PRPSAP2: variants seen among roughly 807,000 people sequenced by gnomAD.
PRPSAP2 encodes phosphoribosyl pyrophosphate synthetase associated protein 2.
A neutral mutation model predicts 40.6 loss-of-function variants in PRPSAP2; 24 were observed. That is an observed-to-expected ratio of 0.59 (90% CI 0.43 to 0.83). The LOEUF is 0.83. Ranked by LOEUF, PRPSAP2 falls within the 40% of genes least tolerant of loss-of-function variation. The probability of loss-of-function intolerance (pLI) is 0.00; values close to 1 mark genes in which losing one functional copy is unlikely to be tolerated. For missense variants in PRPSAP2, 292 were observed against 465.6 expected, an observed-to-expected ratio of 0.63 and a Z score of 3.43; for synonymous variants, 149 against 164.7, an observed-to-expected ratio of 0.90 and a Z score of 0.73.
chr17:18,862,989 T>G (rs1412460704), intron 1 of PRPSAP2, among the ~76,000 whole-genome samples: 2 of 146,456 alleles, frequency 1.4e-5, no homozygotes, highest in Non-Finnish European at 3.0e-5. Context: ...CCCACCTAAT[T>G]TTTTGTATTT....
At chr17:18,900,696 A>C (rs1338546545) in intron 8 of PRPSAP2, among the ~76,000 whole-genome samples, 1 of 152,008 alleles carries the variant, frequency 6.6e-6, no homozygotes, top group Non-Finnish European at 1.5e-5. Flanking sequence ...GTAGAAGTCG[A>C]GATTCACCAC....
intron 8 of PRPSAP2, among the ~76,000 whole-genome samples, chr17:18,893,100 T>C (rs1368682616): frequency 6.6e-6 from 1 of 152,086 alleles, no homozygotes; most frequent in African/African-American, 2.4e-5. Context: ...TTCACTGTCT[T>C]GATGGTGTTC....
intron 6 of PRPSAP2, among the ~76,000 whole-genome samples, chr17:18,879,925 C>T (rs1441489903): frequency 2.6e-5 from 4 of 151,914 alleles, no homozygotes; most frequent in South Asian, 2.1e-4. Flanking sequence ...GGAAAAACCC[C>T]GTCTCTACTA....
At position 18,872,780 on chromosome 17, in the gene PRPSAP2, A is replaced by G. The variant is rs1461327316; in HGVS notation, c.239+131A>G. On this transcript the variant is annotated intron_variant, in intron 5 of 11. Transcript: ENST00000268835. ...AGTATATCTTACCAATTTAGAATTT[A>G]GAAAACTAAGTTTTCTGACATAACT... The G allele has an allele frequency of 5.0e-5, 34 of 682,114 alleles. No homozygotes were observed. In the East Asian group the frequency reaches 9.0e-4, roughly 18 times the overall value. The allele number at this position is 682,114 out of a possible 1,614,324, so 42.3% of individuals were successfully genotyped here. A position where few individuals can be genotyped will look rare whatever the true frequency, so the allele number is the denominator to read the frequency against.
intron 8 of PRPSAP2, among the ~76,000 whole-genome samples, chr17:18,897,540 C>T (rs2039987068): frequency 6.6e-6 from 1 of 152,072 alleles, no homozygotes; most frequent in South Asian, 2.1e-4. Context: ...TGGCTCACTG[C>T]AGCCTCCACC....
chr17:18,866,394 G>A (rs888182069), intron 3 of PRPSAP2, among the ~76,000 whole-genome samples: 18 of 151,950 alleles, frequency 1.2e-4, no homozygotes, highest in African/African-American at 3.1e-4. Context: ...GAAACCCCGC[G>A]TCTACTAAAA....
At chr17:18,902,969 G>A (rs1383213144) in intron 8 of PRPSAP2, among the ~76,000 whole-genome samples, 1 of 151,846 alleles carries the variant, frequency 6.6e-6, no homozygotes, top group Non-Finnish European at 1.5e-5. Context: ...CATCGTGGAT[G>A]TGGTGGTGAC....
intron 8 of PRPSAP2, among the ~76,000 whole-genome samples, chr17:18,909,114 T>G (rs1345713495): frequency 6.6e-6 from 1 of 152,146 alleles, no homozygotes; most frequent in African/African-American, 2.4e-5. Flanking sequence ...CCAGACTGGT[T>G]AGGAGAAAAC....
At chr17:18,892,727 GTA>G (rs1555554081) in intron 8 of PRPSAP2, among the ~76,000 whole-genome samples, 7 of 126,614 alleles carry the variant, frequency 5.5e-5, no homozygotes, top group African/African-American at 1.8e-4. Flanking sequence ...GTGTGTGTGT[GTA>G]TTTATTTATT....
intron 8 of PRPSAP2, among the ~76,000 whole-genome samples, chr17:18,899,519 G>GTTTTTTTT (rs574203117): frequency 9.9e-5 from 6 of 60,576 alleles, no homozygotes; most frequent in Non-Finnish European, 1.8e-4. Flanking sequence ...ATCCAACTGA[G>GTTTTTTTT]TTTTTTTTTT....
chr17:18,918,574 C>A (rs980985743), intron 9 of PRPSAP2, among the ~76,000 whole-genome samples: 4 of 152,216 alleles, frequency 2.6e-5, no homozygotes, highest in African/African-American at 7.2e-5. Flanking sequence ...AGAAGGCAGC[C>A]CACAAAGGCT....
chr17:18,889,946 C>G (rs2039434885), intron 8 of PRPSAP2, 69 bp downstream of exon 8: 1 of 1,392,666 alleles, frequency 7.2e-7, no homozygotes, highest in African/African-American at 1.4e-5. Context: ...GAGTTCCAGG[C>G]ATTCTAATTT....
Position 18,891,266 on chromosome 17 carries a change from C to T in PRPSAP2, c.584+1389C>T, listed in dbSNP as rs1269807691. Among the ~76,000 whole-genome samples, 6 of 152,004 alleles carry T rather than the reference C, an allele frequency of 3.9e-5. 1 individual carries two copies. The South Asian group carries it at 8.3e-4, about 21-fold the overall frequency. On this transcript the variant is annotated intron_variant, in intron 8 of 11. Transcript: ENST00000268835. Reference sequence around the variant, plus strand: ...AAAAGTATTTCACATAAGTCATTGACGTTATGAATTAAGAATAGCACTTTA... The same window carrying T: ...AAAAGTATTTCACATAAGTCATTGATGTTATGAATTAAGAATAGCACTTTA...
At chr17:18,888,788 G>A (rs1312234655) in intron 7 of PRPSAP2, among the ~76,000 whole-genome samples, 2 of 35,124 alleles carry the variant, frequency 5.7e-5, no homozygotes, top group African/African-American at 2.4e-4. Flanking sequence ...CGGGGCGGCT[G>A]GCCGGGCAGA....
chr17:18,908,271 C>T lies in PRPSAP2; in HGVS notation c.585-2832C>T, dbSNP rs547188061. ...ACCCACTCAGCCGAGCTGCCGCTTT[C>T]GCAGCACGCCAAGGACACTCATGAG... On this transcript the variant is annotated intron_variant, in intron 8 of 11. Transcript: ENST00000268835. 949 of 767,982 alleles carry T rather than the reference C, an allele frequency of 1.2e-3. 2 individuals carry two copies. In the Middle Eastern group the frequency reaches 0.022, roughly 18 times the overall value. The allele number at this position is 767,982 out of a possible 1,614,324, so 47.6% of individuals were successfully genotyped here. A position where few individuals can be genotyped will look rare whatever the true frequency, so the allele number is the denominator to read the frequency against.
intron 8 of PRPSAP2, among the ~76,000 whole-genome samples, chr17:18,896,612 T>A (rs2151933509): frequency 7.7e-6 from 1 of 130,440 alleles, no homozygotes; most frequent in South Asian, 2.4e-4. Flanking sequence ...TCTAGCCCCT[T>A]GTTTTACTCA....
chr17:18,867,971 A>G (rs1455401178), intron 4 of PRPSAP2, among the ~76,000 whole-genome samples: 1 of 151,724 alleles, frequency 6.6e-6, no homozygotes, highest in Admixed American at 6.6e-5. Context: ...CCCTGTCTCT[A>G]CTAAAAATAC....
chr17:18,930,796 C>T lies in PRPSAP2; in HGVS notation c.*98C>T. ...CAGGAACCGTCATGCTTGTTCCTCC[C>T]TCTCCCCTGTAACCTCACTTCTTAT... On this transcript the variant is annotated 3_prime_UTR_variant, in exon 12 of 12. Coordinates refer to ENST00000268835, the MANE Select transcript of PRPSAP2 (RefSeq NM_002767.4). The T allele has an allele frequency of 1.8e-6, 2 of 1,116,784 alleles. No individual in the cohort carries two copies. Among genetic ancestry groups the T allele is most frequent in the South Asian group, 2.1e-5 (1 of 47,736 alleles). 69.2% of individuals were successfully genotyped at this position (1,116,784 alleles called of 1,614,324 possible).
intron 9 of PRPSAP2, among the ~76,000 whole-genome samples, chr17:18,920,973 A>G (rs9898665): frequency 0.012 from 1,829 of 151,826 alleles, 36 homozygotes; most frequent in African/African-American, 0.041. Flanking sequence ...GTCACCAGAA[A>G]CTTTGACAGG....
Sources: allele counts gnomAD v4.1 joint callset (sites outside exome capture counted in the v4.1 genomes callset), GRCh38; gene constraint gnomAD v4.1.1; transcripts MANE v1.5; gene names NCBI Gene and HGNC (gene_info 2026-07-23, HGNC 2026-07-21).